The following TRPC4 variants were observed in gnomAD, a reference collection of about 807,000 sequenced individuals.
The protein encoded by TRPC4 is short transient receptor potential channel 4.
In TRPC4, 49 loss-of-function variants were observed where a neutral mutation model predicts 99.4. The observed-to-expected ratio is 0.49, with a 90% confidence interval of 0.39 to 0.63. The LOEUF (loss-of-function observed/expected upper bound fraction) is 0.63. Among genes scored for constraint, TRPC4 ranks in the 20% least tolerant of loss-of-function variants. The probability of loss-of-function intolerance (pLI) is 0.00; values close to 1 mark genes in which losing one functional copy is unlikely to be tolerated. For missense variants in TRPC4, 898 were observed against 1,152.9 expected, an observed-to-expected ratio of 0.78 and a Z score of 3.20; for synonymous variants, 454 against 425.9, an observed-to-expected ratio of 1.07 and a Z score of -0.81.
intron 3 of TRPC4, among the ~76,000 whole-genome samples, chr13:37,723,022 A>G (rs1161158849): frequency 6.6e-6 from 1 of 152,146 alleles, no homozygotes; most frequent in African/African-American, 2.4e-5. Flanking sequence ...GGGAGCTACG[A>G]CACTGAGTTA....
intron 1 of TRPC4, among the ~76,000 whole-genome samples, chr13:37,792,370 T>C (rs1957142794): frequency 6.6e-6 from 1 of 152,156 alleles, no homozygotes; most frequent in African/African-American, 2.4e-5. Context: ...TTGGCATAAT[T>C]TGTAGAATTA....
At chr13:37,824,586 C>T (rs1045926895) in intron 1 of TRPC4, among the ~76,000 whole-genome samples, 9 of 151,712 alleles carry the variant, frequency 5.9e-5, no homozygotes, top group South Asian at 2.1e-4. Flanking sequence ...TATTGATTTG[C>T]GTATATTGAA....
At position 37,746,216 on chromosome 13, in the gene TRPC4, G is replaced by C; in HGVS notation, c.618C>G (p.Pro206=). ...RLNIYKALAS[P]SLIALSSEDP... Reference sequence around the variant, plus strand: ...CTTCGCTTGACAGTGCAATGAGAGAGGGACTGGCCAAGGCCTTGTAGATGT... The same window carrying C: ...CTTCGCTTGACAGTGCAATGAGAGACGGACTGGCCAAGGCCTTGTAGATGT... Residue 206 remains proline, a synonymous_variant, in exon 3 of 11, where the codon CCC becomes CCG. Transcript: ENST00000379705. 2 of 1,613,834 alleles carry C rather than the reference G, an allele frequency of 1.2e-6. No individual in the cohort carries two copies. The highest frequency in any genetic ancestry group is 1.7e-6 in the Non-Finnish European group (2 of 1,179,884).
At chr13:37,644,226 C>G (rs1407904542) in intron 8 of TRPC4, among the ~76,000 whole-genome samples, 3 of 152,036 alleles carry the variant, frequency 2.0e-5, no homozygotes, top group African/African-American at 7.2e-5. Flanking sequence ...ATCAGCTGAA[C>G]TTCAAAGGGA....
chr13:37,649,754 A>C (rs1411941105), intron 8 of TRPC4, among the ~76,000 whole-genome samples: 10 of 130,680 alleles, frequency 7.7e-5, no homozygotes, highest in African/African-American at 2.7e-4. Context: ...AAAAAAAAAA[A>C]AAAAAACAAC....
intron 3 of TRPC4, among the ~76,000 whole-genome samples, chr13:37,720,143 C>A (rs1375591845): frequency 1.3e-5 from 2 of 152,022 alleles, no homozygotes; most frequent in East Asian, 1.9e-4. Context: ...AGGAATGCAA[C>A]CACGCCAAGA....
In TRPC4 at chr13:37,636,223, C is replaced by G. The variant is rs1022681504; in HGVS notation, c.*680G>C. Among the ~76,000 whole-genome samples the G allele has an allele frequency of 6.6e-6, 1 of 151,652 alleles. No homozygotes were observed. Among genetic ancestry groups the G allele is most frequent in the African/African-American group, 2.4e-5 (1 of 41,326 alleles). ...CTGGAGGGGCGAGTTTTTTTCCTGA[C>G]AAAATGTCGTTAAAAATCATCAGTC... On this transcript the variant is annotated 3_prime_UTR_variant, in exon 11 of 11. Transcript: ENST00000379705.
intron 2 of TRPC4, among the ~76,000 whole-genome samples, chr13:37,763,276 AAAG>A (rs1041014643): frequency 4.6e-5 from 7 of 151,592 alleles, no homozygotes; most frequent in South Asian, 4.1e-4. Flanking sequence ...AGTAGGCAAA[AAAG>A]AAGGAGAGTG....
chr13:37,684,223 A>G (rs904982713), intron 4 of TRPC4, among the ~76,000 whole-genome samples: 1 of 152,230 alleles, frequency 6.6e-6, no homozygotes, highest in Non-Finnish European at 1.5e-5. Flanking sequence ...TTCAAAAAAC[A>G]CTGACATAAA....
intron 5 of TRPC4, among the ~76,000 whole-genome samples, chr13:37,674,020 C>T (rs2138761547): frequency 6.6e-6 from 1 of 152,134 alleles, no homozygotes; most frequent in Admixed American, 6.5e-5. Flanking sequence ...GTGATAACTT[C>T]TACTTATAAA....
At chr13:37,753,366 G>A (rs1310657145) in intron 2 of TRPC4, among the ~76,000 whole-genome samples, 1 of 151,968 alleles carries the variant, frequency 6.6e-6, no homozygotes, top group African/African-American at 2.4e-5. Flanking sequence ...AATTTAGCCA[G>A]GAGAATAATG....
At chr13:37,773,583 G>A (rs911671187) in intron 2 of TRPC4, among the ~76,000 whole-genome samples, 1 of 151,754 alleles carries the variant, frequency 6.6e-6, no homozygotes, top group Non-Finnish European at 1.5e-5. Flanking sequence ...GCTGGAGGGA[G>A]AAAAATGGCA....
rs532376273 is a variant in TRPC4, at chr13:37,744,739, A to G, written c.897+1198T>C. Among the ~76,000 whole-genome samples, 25 of 152,304 alleles carry G rather than the reference A, an allele frequency of 1.6e-4. No homozygotes were observed. The South Asian group carries it at 5.2e-3, about 32-fold the overall frequency. ...CTTTTTCTCTTTCTCTTTTCATCTTACATAGCATTTCCAAGTATTGTTCTG... is the reference window on the plus strand; with the variant it reads ...CTTTTTCTCTTTCTCTTTTCATCTTGCATAGCATTTCCAAGTATTGTTCTG... On this transcript the variant is annotated intron_variant, in intron 3 of 10. Coordinates refer to ENST00000379705, the MANE Select transcript of TRPC4 (RefSeq NM_016179.4).
intron 1 of TRPC4, among the ~76,000 whole-genome samples, chr13:37,822,614 G>T (rs1958049531): frequency 6.6e-6 from 1 of 151,436 alleles, no homozygotes; most frequent in Admixed American, 6.6e-5. Context: ...CATTTTTTAT[G>T]GCTGCATAGT....
At chr13:37,708,857 A>G (rs578227418) in intron 3 of TRPC4, among the ~76,000 whole-genome samples, 2 of 152,022 alleles carry the variant, frequency 1.3e-5, no homozygotes, top group South Asian at 4.2e-4. Flanking sequence ...CGTATACATA[A>G]ACAACATCTA....
chr13:37,862,584 T>C (rs1341638623), intron 1 of TRPC4, among the ~76,000 whole-genome samples: 1 of 151,666 alleles, frequency 6.6e-6, no homozygotes, highest in Non-Finnish European at 1.5e-5. Flanking sequence ...CTACTCATTG[T>C]AATATAATTT....
intron 1 of TRPC4, among the ~76,000 whole-genome samples, chr13:37,861,224 T>C (rs1959295504): frequency 6.6e-6 from 1 of 151,548 alleles, no homozygotes; most frequent in African/African-American, 2.4e-5. Context: ...TTGTTTACTT[T>C]TTCTCAATTG....
chr13:37,698,715 C>T (rs926731206), intron 3 of TRPC4, among the ~76,000 whole-genome samples: 3 of 152,126 alleles, frequency 2.0e-5, no homozygotes, highest in African/African-American at 7.2e-5. Context: ...CACCAAATCA[C>T]TGAACTCTTG....
chr13:37,683,895 A>G (rs1953352425), intron 4 of TRPC4, among the ~76,000 whole-genome samples: 1 of 152,228 alleles, frequency 6.6e-6, no homozygotes, highest in Non-Finnish European at 1.5e-5. Context: ...TAAACTGAAC[A>G]TAGCCTACTT....
Sources: allele counts gnomAD v4.1 joint callset (sites outside exome capture counted in the v4.1 genomes callset), GRCh38; gene constraint gnomAD v4.1.1; transcripts MANE v1.5; gene names NCBI Gene and HGNC (gene_info 2026-07-23, HGNC 2026-07-21).